OOSP2: variants seen among roughly 807,000 people sequenced by gnomAD.
OOSP2 encodes the protein oocyte-secreted protein 2.
Under a neutral mutation model 13.4 loss-of-function variants are expected in OOSP2, and 7 were observed. The observed-to-expected ratio is 0.52, with a 90% CI of 0.30 to 0.98. The LOEUF (loss-of-function observed/expected upper bound fraction) is 0.98. Ranked by LOEUF, OOSP2 falls within the 50% of genes least tolerant of loss-of-function variation. OOSP2 has a pLI of 0.07. For synonymous variants in OOSP2, 75 were observed against 67.2 expected (o/e 1.12, Z -0.57); for missense variants, 184 against 188.5 (o/e 0.98, Z 0.14).
At position 60,047,442 on chromosome 11, in the gene OOSP2, G is replaced by A. The variant is rs1855022146; in HGVS notation, c.*369G>A. The A allele has an allele frequency of 6.4e-6, 1 of 155,748 alleles. No homozygotes were observed. The highest frequency in any genetic ancestry group is 1.4e-5 in the Non-Finnish European group (1 of 70,566). The allele number at this position is 155,748 out of a possible 1,614,324, so 9.6% of individuals were successfully genotyped here. A position where few individuals can be genotyped will look rare whatever the true frequency, so the allele number is the denominator to read the frequency against. The stretch of plus-strand genomic sequence containing the variant: ...TTTCAGGAAGAATAAAGAATAGAGA[G>A]AGACATATAAATGTGCAAGAGGCAA... On this transcript the variant is annotated 3_prime_UTR_variant, in exon 4 of 4. Coordinates refer to ENST00000278855, the MANE Select transcript of OOSP2 (RefSeq NM_173801.5).
chr11:60,043,802 AT>A, intron 2 of OOSP2, 155 bp downstream of exon 2: 2 of 526,376 alleles, frequency 3.8e-6, no homozygotes, highest in Non-Finnish European at 6.8e-6. Context: ...TTCACTGAAT[AT>A]TGGGTCATTC....
chr11:60,043,006 G>A (rs1350465690), intron 1 of OOSP2, among the ~76,000 whole-genome samples: 2 of 151,812 alleles, frequency 1.3e-5, no homozygotes, highest in Admixed American at 6.6e-5. Context: ...CTGGGTTCTC[G>A]CCGTTCTCCT....
In OOSP2 at chr11:60,047,180, T is replaced by C. The variant is rs1204765685; in HGVS notation, c.*107T>C. On this transcript the variant is annotated 3_prime_UTR_variant, in exon 4 of 4. Transcript: ENST00000278855. ...GTTGGTGTATATCTCTCCTTAAGTC[T>C]CTGGTTTCTAAAAACCCTACTTCAG... 1.1e-6 allele frequency: 1 copy of C among 910,434 alleles called. No homozygotes were observed. Among genetic ancestry groups the C allele is most frequent in the Non-Finnish European group, 1.7e-6 (1 of 599,816 alleles). 56.4% of individuals were successfully genotyped at this position (910,434 alleles called of 1,614,324 possible).
At chr11:60,045,695 T>G (rs1014327995) in intron 3 of OOSP2, among the ~76,000 whole-genome samples, 1 of 152,210 alleles carries the variant, frequency 6.6e-6, no homozygotes, top group African/African-American at 2.4e-5. Context: ...TTAATTTTGG[T>G]AAAATGTACA....
chr11:60,042,240 A>G (rs1459893440), intron 1 of OOSP2, among the ~76,000 whole-genome samples: 1 of 152,194 alleles, frequency 6.6e-6, no homozygotes, highest in Non-Finnish European at 1.5e-5. Flanking sequence ...CTTTCCATCC[A>G]TCTTTAATCT....
rs1482574682 is a variant in OOSP2, at chr11:60,046,949, C to T, written c.353C>T (p.Ser118Leu). The part of the protein sequence containing the change: ...IHLECSTSRK[S>L]VWLTPVSTEN... ...TCTGTTTCCCTTTTCTTTAGGAAAT[C>T]AGTGTGGCTTACACCAGTTTCTACT... Residue 118 changes from serine to leucine, a missense_variant, in exon 4 of 4, where the codon TCA becomes TTA. Coordinates refer to ENST00000278855, the MANE Select transcript of OOSP2 (RefSeq NM_173801.5). 2 of 1,608,982 alleles carry T rather than the reference C, an allele frequency of 1.2e-6. No individual in the cohort carries two copies. The highest frequency in any genetic ancestry group is 1.1e-5 in the South Asian group (1 of 90,104).
In OOSP2 at chr11:60,047,095, T is replaced by C. The variant is rs766498958; in HGVS notation, c.*22T>C. On this transcript the variant is annotated 3_prime_UTR_variant, in exon 4 of 4. Transcript: ENST00000278855. ...CTGAGCTAAAGGAGAAATGGAAACT[T>C]GAAGCTGGTGTTATGTATTTTGCAG... 2 of 1,580,346 alleles carry C rather than the reference T, an allele frequency of 1.3e-6. No homozygotes were observed. The highest frequency in any genetic ancestry group is 2.7e-5 in the African/African-American group (2 of 73,096).
intron 2 of OOSP2, 88 bp downstream of exon 2, chr11:60,043,735 GT>G: frequency 1.4e-6 from 1 of 719,566 alleles, no homozygotes; most frequent in South Asian, 2.2e-5. Flanking sequence ...AAAAAATAAT[GT>G]TTGCTTCTCA....
intron 3 of OOSP2, 102 bp from the exon 4 acceptor site, chr11:60,046,842 T>C (rs1337848487): frequency 2.1e-6 from 2 of 964,114 alleles, no homozygotes; most frequent in Non-Finnish European, 3.4e-6. Context: ...GCCATACTCC[T>C]GAATGACTAT....
At position 60,046,058 on chromosome 11, in the gene OOSP2, TTGTCTGTCTCTCTC is replaced by T. The variant is rs1301809136; in HGVS notation, c.348-870_348-857del. The stretch of plus-strand genomic sequence containing the variant: ...TGTCTGTCTGTCTGTCTCTCTGTCT[TTGTCTGTCTCTCTC>T]TGTCTGTCTCTCTCTCTCTGTCTCT... On this transcript the variant is annotated intron_variant, in intron 3 of 3. Transcript: ENST00000278855. Among the ~76,000 whole-genome samples, 66 of 144,480 alleles carry T rather than the reference TTGTCTGTCTCTCTC, an allele frequency of 4.6e-4. No homozygotes were observed. The South Asian group carries it at 6.4e-3, about 14-fold the overall frequency. 94.8% of individuals were successfully genotyped at this position (144,480 alleles called of 152,430 possible). A position where few individuals can be genotyped will look rare whatever the true frequency, so the allele number is the denominator to read the frequency against.
rs144383299 is a variant in OOSP2, at chr11:60,043,606, G to A, written c.202G>A (p.Glu68Lys). 93 of 1,608,590 alleles carry A rather than the reference G, an allele frequency of 5.8e-5. No individual in the cohort carries two copies. The highest frequency in any genetic ancestry group is 7.7e-5 in the Non-Finnish European group (90 of 1,175,088). ...PANRIHTYVYEFIYLVRDCGI... is the reference protein window; with the variant it reads ...PANRIHTYVYKFIYLVRDCGI... ...AAATCGGATACATACATATGTATAT[G>A]AGTTTATATATCTTGTTCGTGATTG... The change falls in exon 2 of 4, where the codon GAG becomes AAG. Residue 68 changes from glutamate to lysine, a missense_variant. By Grantham distance (56) the Glu-to-Lys change is moderately conservative (BLOSUM62 1). Coordinates refer to ENST00000278855, the MANE Select transcript of OOSP2 (RefSeq NM_173801.5).
chr11:60,043,155 C>T (rs963143594), intron 1 of OOSP2, among the ~76,000 whole-genome samples: 3 of 152,178 alleles, frequency 2.0e-5, no homozygotes, highest in South Asian at 2.1e-4. Context: ...GCGCCCGCCT[C>T]GGCCTCCCAA....
In OOSP2 at chr11:60,047,935, G is replaced by A. The variant is rs965516124; in HGVS notation, c.*862G>A. ...GAACTGTGCCATTGGCTATTCAATAGCTTATTGAATGTATGTTTTGGATGC... is the reference window on the plus strand; with the variant it reads ...GAACTGTGCCATTGGCTATTCAATAACTTATTGAATGTATGTTTTGGATGC... On this transcript the variant is annotated 3_prime_UTR_variant, in exon 4 of 4. Transcript: ENST00000278855. 6.6e-6 allele frequency: 1 copy of A among 152,088 alleles called. No individual in the cohort carries two copies. Among genetic ancestry groups the A allele is most frequent in the African/African-American group, 2.4e-5 (1 of 41,418 alleles). 9.4% of individuals were successfully genotyped at this position (152,088 alleles called of 1,614,324 possible).
chr11:60,042,665 TC>T (rs1854951183), intron 1 of OOSP2, among the ~76,000 whole-genome samples: 1 of 152,140 alleles, frequency 6.6e-6, no homozygotes, highest in Non-Finnish European at 1.5e-5. Flanking sequence ...GCTTTCTCTC[TC>T]TTTTTCCTTT....
Position 60,046,971 on chromosome 11 carries a change from T to A in OOSP2, c.375T>A (p.Ser125=). 1 of 1,610,372 alleles carries A rather than the reference T, an allele frequency of 6.2e-7. No homozygotes were observed. Among genetic ancestry groups the A allele is most frequent in the Non-Finnish European group, 8.5e-7 (1 of 1,176,664 alleles). The change falls in exon 4 of 4, where the codon TCT becomes TCA. Residue 125 remains serine, a synonymous_variant. Coordinates refer to ENST00000278855, the MANE Select transcript of OOSP2 (RefSeq NM_173801.5). Reference sequence around the variant, plus strand: ...AATCAGTGTGGCTTACACCAGTTTCTACTGAGAATGAAATAAAATTGGATC... The same window carrying A: ...AATCAGTGTGGCTTACACCAGTTTCAACTGAGAATGAAATAAAATTGGATC... The part of the protein sequence containing the change: ...SRKSVWLTPV[S]TENEIKLDPS...
In OOSP2 at chr11:60,044,793, A is replaced by AT; in HGVS notation, c.347+21dup. 8.5e-7 allele frequency: 1 copy of AT among 1,175,858 alleles called. No homozygotes were observed. The highest frequency in any genetic ancestry group is 1.3e-6 in the Non-Finnish European group (1 of 786,262). The allele number at this position is 1,175,858 out of a possible 1,614,324, so 72.8% of individuals were successfully genotyped here. A position where few individuals can be genotyped will look rare whatever the true frequency, so the allele number is the denominator to read the frequency against. ...CCTCTAGGTAAGTCCAGCAGATTTG[A>AT]TTCCTTTGGAATGTTTTAGCTTTAC... On this transcript the variant is annotated intron_variant, in intron 3 of 3. Coordinates refer to ENST00000278855, the MANE Select transcript of OOSP2 (RefSeq NM_173801.5).
intron 3 of OOSP2, 106 bp downstream of exon 3, chr11:60,044,880 A>G (rs1000336891): frequency 9.8e-6 from 5 of 509,278 alleles, no homozygotes; most frequent in African/African-American, 7.7e-5. Flanking sequence ...TGATTCACCC[A>G]TAAGTATAAT....
intron 1 of OOSP2, among the ~76,000 whole-genome samples, chr11:60,042,097 T>C (rs1420836790): frequency 1.3e-5 from 2 of 152,062 alleles, no homozygotes; most frequent in Non-Finnish European, 2.9e-5. Context: ...CCATCCTGGG[T>C]GACAGAGCGA....
intron 1 of OOSP2, among the ~76,000 whole-genome samples, chr11:60,043,063 C>A (rs997453245): frequency 1.3e-5 from 2 of 152,038 alleles, no homozygotes; most frequent in Non-Finnish European, 2.9e-5. Flanking sequence ...TGCCACCACA[C>A]CCGGCTAATT....
Sources: allele counts gnomAD v4.1 joint callset (sites outside exome capture counted in the v4.1 genomes callset), GRCh38; gene constraint gnomAD v4.1.1; transcripts MANE v1.5; gene names NCBI Gene and HGNC (gene_info 2026-07-23, HGNC 2026-07-21).